SCTR: variants seen among roughly 807,000 people sequenced by gnomAD.
The protein encoded by SCTR is pancreatic secretin receptor.
In SCTR, 56 loss-of-function variants were observed where a neutral mutation model predicts 60.8. The ratio of observed to expected loss-of-function variants is 0.92; its 90% confidence interval spans 0.74 to 1.15. SCTR has a LOEUF of 1.15. SCTR is among the 50% of genes most tolerant of loss of function. The pLI is 0.00. For missense variants in SCTR, 562 were observed against 550.4 expected, an observed-to-expected ratio of 1.02 and a Z score of -0.21; for synonymous variants, 202 against 217.0, an observed-to-expected ratio of 0.93 and a Z score of 0.61.
At chr2:119,480,774 G>C (rs1393294099) in intron 2 of SCTR, 1 of 152,278 alleles carries the variant, frequency 6.6e-6, no homozygotes, top group Non-Finnish European at 1.5e-5. Context: ...CCTCTGAGAG[G>C]TCATCGCTGG....
At chr2:119,524,124 TC>T in intron 1 of SCTR, 30 bp downstream of exon 1, 1 of 1,529,644 alleles carries the variant, frequency 6.5e-7, no homozygotes, top group Non-Finnish European at 8.8e-7. Flanking sequence ...CTCCCTCGGG[TC>T]CCCAGCCTGC....
At chr2:119,450,739 G>A (rs1224071444) in intron 9 of SCTR, among the ~76,000 whole-genome samples, 1 of 152,118 alleles carries the variant, frequency 6.6e-6, no homozygotes, top group Non-Finnish European at 1.5e-5. Context: ...GGAGGCTGAG[G>A]CAGGCAGATC....
At chr2:119,518,409 T>C (rs1337084972) in intron 1 of SCTR, among the ~76,000 whole-genome samples, 4 of 152,052 alleles carry the variant, frequency 2.6e-5, no homozygotes, top group Admixed American at 6.5e-5. Flanking sequence ...GGAGCACGCC[T>C]AAGAGCCTCA....
chr2:119,473,589 T>C (rs2587701), intron 3 of SCTR, 33 bp from the exon 4 acceptor site: 1,076,481 of 1,350,438 alleles, frequency 0.8, 436,951 homozygotes, highest in East Asian at 0.91. Flanking sequence ...AGGTGAGCCA[T>C]GGGCCCAGGC....
rs367807227 is a variant in SCTR, at chr2:119,459,884, C to T, written c.790+1963G>A. The stretch of plus-strand genomic sequence containing the variant: ...CCATGTTCATACAGCTGAATCTTGG[C>T]GTATCTGGGATTTAAAGCTTAGTGA... On this transcript the variant is annotated intron_variant, in intron 7 of 12. Transcript: ENST00000019103. 4.6e-5 allele frequency among the ~76,000 whole-genome samples: 7 copies of T among 152,180 alleles called. No individual in the cohort carries two copies. The East Asian group carries it at 7.7e-4, about 17-fold the overall frequency.
intron 1 of SCTR, among the ~76,000 whole-genome samples, chr2:119,500,491 A>C (rs961479665): frequency 3.3e-5 from 5 of 152,342 alleles, no homozygotes; most frequent in African/African-American, 9.6e-5. Flanking sequence ...TCAGCAGATG[A>C]GTAGATAAAG....
At chr2:119,493,354 G>A (rs906826808) in intron 2 of SCTR, among the ~76,000 whole-genome samples, 3 of 152,148 alleles carry the variant, frequency 2.0e-5, no homozygotes, top group African/African-American at 7.2e-5. Flanking sequence ...CCTTGTGAAG[G>A]GGGCTGTTAT....
rs558603639 is a variant in SCTR at position 119,495,250 on chromosome 2, C to A, written c.73-702G>T. Among the ~76,000 whole-genome samples, 196 of 152,298 alleles carry A rather than the reference C, an allele frequency of 1.3e-3. 1 individual carries two copies. The highest frequency in any genetic ancestry group is 2.2e-3 in the Non-Finnish European group (147 of 68,032). On this transcript the variant is annotated intron_variant, in intron 1 of 12. Coordinates refer to ENST00000019103, the MANE Select transcript of SCTR (RefSeq NM_002980.3). ...TATAGGCATGAGCCACTGTGTCCAG[C>A]CTGAAAACCTAGTTTTGATTCAGAC...
intron 3 of SCTR, among the ~76,000 whole-genome samples, chr2:119,474,676 G>C (rs1335649294): frequency 6.6e-6 from 1 of 152,212 alleles, no homozygotes; most frequent in East Asian, 1.9e-4. Context: ...ACAGGGTTTA[G>C]GGTCTAATCC....
At chr2:119,502,222 A>G (rs1390263065) in intron 1 of SCTR, among the ~76,000 whole-genome samples, 1 of 152,206 alleles carries the variant, frequency 6.6e-6, no homozygotes, top group African/African-American at 2.4e-5. Context: ...ACTGCTCTCC[A>G]GACTCAGAGA....
chr2:119,463,753 C>A (rs1683709039), intron 6 of SCTR, among the ~76,000 whole-genome samples: 1 of 152,164 alleles, frequency 6.6e-6, no homozygotes, highest in Non-Finnish European at 1.5e-5. Context: ...TCACCCTTTT[C>A]TTTTTATGAC....
chr2:119,506,259 G>T (rs972965878), intron 1 of SCTR, among the ~76,000 whole-genome samples: 2 of 152,048 alleles, frequency 1.3e-5, no homozygotes, highest in Non-Finnish European at 2.9e-5. Context: ...CAATCCAGAT[G>T]TTTTCCAATG....
intron 10 of SCTR, 37 bp from the exon 11 acceptor site, chr2:119,446,922 T>C (rs2104761048): frequency 7.1e-7 from 1 of 1,408,424 alleles, no homozygotes; most frequent in East Asian, 2.7e-5. Flanking sequence ...CCACTCTGCC[T>C]CCCTGCGCCC....
chr2:119,502,763 C>A (rs1573912184), intron 1 of SCTR, among the ~76,000 whole-genome samples: 1 of 146,592 alleles, frequency 6.8e-6, no homozygotes, highest in Non-Finnish European at 1.5e-5. Context: ...AGGCTGAGGC[C>A]AGAGGATTGC....
chr2:119,473,751 T>C (rs563290038), intron 3 of SCTR, among the ~76,000 whole-genome samples, 195 bp from the exon 4 acceptor site: 2 of 152,250 alleles, frequency 1.3e-5, no homozygotes, highest in African/African-American at 4.8e-5. Context: ...GGGCTCGGGC[T>C]CCAGAGCCCA....
rs182269664 is a variant in SCTR, at chr2:119,470,575, T to G, written c.405+2878A>C. ...TAAGTCCAAAGCGTTACATTTTCCT[T>G]TATGAAATTTCAGCTCCTTGGTTTG... On this transcript the variant is annotated intron_variant, in intron 4 of 12. Coordinates refer to ENST00000019103, the MANE Select transcript of SCTR (RefSeq NM_002980.3). Among the ~76,000 whole-genome samples, 16 of 152,310 alleles carry G rather than the reference T, an allele frequency of 1.1e-4. 1 individual carries two copies. The highest frequency in any genetic ancestry group is 7.3e-5 in the Non-Finnish European group (5 of 68,030).
chr2:119,522,339 G>T lies in SCTR; in HGVS notation c.72+1816C>A, dbSNP rs552018502. 3.3e-5 allele frequency among the ~76,000 whole-genome samples: 5 copies of T among 152,208 alleles called. No individual in the cohort carries two copies. In the East Asian group the frequency reaches 9.7e-4, roughly 29 times the overall value. ...GAAAAAGAAAAAGGAAATACAAGGG[G>T]TATAAAAGACAGAGCCCTGGATGGT... On this transcript the variant is annotated intron_variant, in intron 1 of 12. Coordinates refer to ENST00000019103, the MANE Select transcript of SCTR (RefSeq NM_002980.3).
intron 1 of SCTR, among the ~76,000 whole-genome samples, chr2:119,496,442 A>G (rs1192654680): frequency 2.6e-5 from 4 of 152,248 alleles, no homozygotes; most frequent in African/African-American, 9.6e-5. Flanking sequence ...TATATATAAT[A>G]TAGAAAAAAA....
At chr2:119,466,145 C>T (rs1683825948) in intron 4 of SCTR, among the ~76,000 whole-genome samples, 1 of 152,014 alleles carries the variant, frequency 6.6e-6, no homozygotes, top group South Asian at 2.1e-4. Flanking sequence ...TGTATAGGGC[C>T]CCTTACCAAC....
Sources: gnomAD v4.1 joint callset for allele counts (sites outside exome capture counted in the v4.1 genomes callset) on GRCh38, gnomAD v4.1.1 for gene constraint, MANE v1.5 for transcripts, NCBI Gene and HGNC (gene_info 2026-07-23, HGNC 2026-07-21) for gene names.